Variants in KRABD3 observed in about 807,000 individuals in gnomAD.
KRABD3 encodes the protein KRAB domain containing 3, also known as KRAB domain-containing protein 3.
chr7:149,722,520 C>T, the KRABD3 span: 1 of 1,608,334 alleles, frequency 6.2e-7, no homozygotes, highest in South Asian at 1.1e-5. Context: ...GAGGAAGAGC[C>T]ACAGAGGACA....
the KRABD3 span, among the ~76,000 whole-genome samples, chr7:149,718,145 G>A: frequency 6.6e-6 from 1 of 152,016 alleles, no homozygotes; most frequent in Non-Finnish European, 1.5e-5. Context: ...AGGGGCTCAC[G>A]CCTGTAATCC....
the KRABD3 span, among the ~76,000 whole-genome samples, chr7:149,716,554 G>A: frequency 6.6e-6 from 1 of 152,194 alleles, no homozygotes; most frequent in African/African-American, 2.4e-5. Context: ...GGAGAGGGAG[G>A]CCACTGGCAG....
the KRABD3 span, chr7:149,723,088 T>C: frequency 6.6e-6 from 5 of 752,424 alleles, no homozygotes; most frequent in Non-Finnish European, 1.0e-5. Context: ...AGTGTCACCT[T>C]TCTGGAGCCA....
chr7:149,720,733 G>T, the KRABD3 span: 4 of 1,208,272 alleles, frequency 3.3e-6, no homozygotes, highest in Admixed American at 8.9e-5. Context: ...TCCTCATGTG[G>T]CTGGGAGGAT....
chr7:149,719,746 C>T, the KRABD3 span: 5 of 1,512,506 alleles, frequency 3.3e-6, no homozygotes, highest in South Asian at 1.2e-5. This position sits in a 1 kb window ranked among gnomAD's most constrained non-coding sequence, Gnocchi z 5.6. Context: ...GTCCCTGGAC[C>T]CGGCAGCCTT....
chr7:149,731,759 G>A, the KRABD3 span: 1 of 1,611,068 alleles, frequency 6.2e-7, no homozygotes, highest in Non-Finnish European at 8.5e-7. Context: ...CTTGGACATG[G>A]AAGACCCAGA....
At chr7:149,733,706 G>A in the KRABD3 span, 22 of 1,581,008 alleles carry the variant, frequency 1.4e-5, no homozygotes, top group Admixed American at 1.8e-5. Context: ...GCCTCCAGAC[G>A]CTCCCCCGGC....
chr7:149,721,337 AG>A, the KRABD3 span: 1 of 1,546,020 alleles, frequency 6.5e-7, no homozygotes. Context: ...TGACAATGTT[AG>A]GGGCATCTTA....
chr7:149,725,835 GTC>G, the KRABD3 span: 17 of 1,457,572 alleles, frequency 1.2e-5, no homozygotes, highest in Non-Finnish European at 8.2e-6. Flanking sequence ...TGGCCCAGGA[GTC>G]TCTTCTCCAG....
At chr7:149,723,847 C>T in the KRABD3 span, 118 of 1,613,760 alleles carry the variant, frequency 7.3e-5, no homozygotes, top group African/African-American at 9.3e-5. Flanking sequence ...GGGGAACCGA[C>T]GGCTACAGGA....
At chr7:149,719,575 G>GCGGTTCT in the KRABD3 span, 4 of 1,604,174 alleles carry the variant, frequency 2.5e-6, no homozygotes, top group Non-Finnish European at 3.4e-6. The surrounding 1 kb of genome is among the most constrained non-coding windows in gnomAD (Gnocchi z 5.6). Context: ...ACTTGGCCGT[G>GCGGTTCT]CGGTTCTCGG....
chr7:149,719,298 C>T, the KRABD3 span: 1 of 394,004 alleles, frequency 2.5e-6, no homozygotes. The surrounding 1 kb of genome is among the most constrained non-coding windows in gnomAD (Gnocchi z 5.6). Flanking sequence ...TAAGTAATTC[C>T]ATCTGCAGGG....
chr7:149,729,549 A>G, the KRABD3 span: 11 of 985,464 alleles, frequency 1.1e-5, no homozygotes, highest in Non-Finnish European at 1.3e-5. Flanking sequence ...AAAGTGTCAC[A>G]AAGTGCTGAC....
At chr7:149,726,891 G>C in the KRABD3 span, among the ~76,000 whole-genome samples, 1 of 152,158 alleles carries the variant, frequency 6.6e-6, no homozygotes, top group Non-Finnish European at 1.5e-5. Flanking sequence ...ATGGGTGACA[G>C]AGTGAGACCC....
chr7:149,715,708 T>C, the KRABD3 span, among the ~76,000 whole-genome samples: 1 of 152,284 alleles, frequency 6.6e-6, no homozygotes, highest in African/African-American at 2.4e-5. Flanking sequence ...GAGGCAGCCA[T>C]GGATGGGGGG....
the KRABD3 span, among the ~76,000 whole-genome samples, chr7:149,723,243 G>A: frequency 6.6e-6 from 1 of 152,218 alleles, no homozygotes; most frequent in Admixed American, 6.5e-5. Context: ...GCTTTGCATT[G>A]ACGCCAGGCA....
At chr7:149,734,013 G>C in the KRABD3 span, 2 of 1,609,996 alleles carry the variant, frequency 1.2e-6, no homozygotes, top group South Asian at 1.1e-5. Flanking sequence ...CTGTGGGGTG[G>C]GGAGCACAGG....
At chr7:149,730,256 C>A in the KRABD3 span, 1 of 1,557,292 alleles carries the variant, frequency 6.4e-7, no homozygotes, top group Non-Finnish European at 8.7e-7. Context: ...GCCCCAGCCC[C>A]AGCCCCGGCT....
chr7:149,727,472 A>T, the KRABD3 span, among the ~76,000 whole-genome samples: 1 of 152,030 alleles, frequency 6.6e-6, no homozygotes, highest in African/African-American at 2.4e-5. Context: ...AGCCTTCGGC[A>T]CTCCAGCCCC....
Sources: gnomAD v4.1 joint callset for allele counts (sites outside exome capture counted in the v4.1 genomes callset) on GRCh38, gnomAD v4.1.1 for gene constraint, Gnocchi (gnomAD v3.1) non-coding constraint, MANE v1.5 for transcripts, NCBI Gene and HGNC (gene_info 2026-07-23, HGNC 2026-07-21) for gene names.